The following OR7C1 variants were observed in gnomAD, a reference collection of about 807,000 sequenced individuals.
OR7C1 encodes the protein olfactory receptor family 7 subfamily C member 1, also known as olfactory receptor 7C1.
For synonymous variants in OR7C1, 152 were observed against 160.7 expected (o/e 0.95, Z 0.41); for missense variants, 324 against 383.3 (o/e 0.85, Z 1.29).
intron 1 of OR7C1, among the ~76,000 whole-genome samples, chr19:14,822,972 GTTGA>G: frequency 1.3e-5 from 2 of 152,064 alleles, no homozygotes; most frequent in South Asian, 4.1e-4. Flanking sequence ...TTGCCTCTCT[GTTGA>G]TTGTTTTCTT....
rs113738513 is a variant in OR7C1, at chr19:14,803,653, G to T, written c.-434-2889C>A. On this transcript the variant is annotated intron_variant, in intron 2 of 4. Coordinates refer to ENST00000641666, the Ensembl canonical transcript of OR7C1. Reference sequence around the variant, plus strand: ...ATTTGGGGGCTGCTTTTTATTAAAAGGGAAACCTTACCAAGGACTTCCTTA... The same window carrying T: ...ATTTGGGGGCTGCTTTTTATTAAAATGGAAACCTTACCAAGGACTTCCTTA... Among the ~76,000 whole-genome samples, 704 of 151,832 alleles carry T rather than the reference G, an allele frequency of 4.6e-3. 6 individuals are homozygous for T. Among genetic ancestry groups the T allele is most frequent in the African/African-American group, 0.016 (662 of 41,396 alleles).
chr19:14,822,300 C>G lies in OR7C1; in HGVS notation c.-622-12307G>C, dbSNP rs903390554. On this transcript the variant is annotated intron_variant, in intron 1 of 4. Coordinates refer to ENST00000641666, the Ensembl canonical transcript of OR7C1. ...CCAACTATTTTCTATAATGCTTGTACTACCTTAAGTTTCCACCAAAAAGGT... is the reference window on the plus strand; with the variant it reads ...CCAACTATTTTCTATAATGCTTGTAGTACCTTAAGTTTCCACCAAAAAGGT... Among the ~76,000 whole-genome samples the G allele has an allele frequency of 1.1e-4, 17 of 149,874 alleles. 1 individual carries two copies. The highest frequency in any genetic ancestry group is 1.0e-3 in the Admixed American group (15 of 15,026).
chr19:14,810,372 G>T (rs2044685025), intron 1 of OR7C1, among the ~76,000 whole-genome samples: 1 of 112,444 alleles, frequency 8.9e-6, no homozygotes. Context: ...ACCAAAATGA[G>T]TTTTTTTTTT....
At position 14,827,448 on chromosome 19, in the gene OR7C1, G is replaced by T. The variant is rs756216828; in HGVS notation, c.-623+7626C>A. ...TGTTGCACTTGAGTGTGAGTTGCGGGTGGCAGCAGAACTAAGGTACACCCC... is the reference window on the plus strand; with the variant it reads ...TGTTGCACTTGAGTGTGAGTTGCGGTTGGCAGCAGAACTAAGGTACACCCC... On this transcript the variant is annotated intron_variant, in intron 1 of 4. Transcript: ENST00000641666. The T allele has an allele frequency of 9.9e-6, 16 of 1,614,138 alleles. No homozygotes were observed. In the South Asian group the frequency reaches 1.6e-4, roughly 17 times the overall value.
In OR7C1 at chr19:14,827,958, A is replaced by G. The variant is rs745709368; in HGVS notation, c.-623+7116T>C. 1.6e-5 allele frequency: 26 copies of G among 1,614,104 alleles called. 1 individual carries two copies. The highest frequency in any genetic ancestry group is 2.2e-5 in the South Asian group (2 of 91,092). On this transcript the variant is annotated intron_variant, in intron 1 of 4. Coordinates refer to ENST00000641666, the Ensembl canonical transcript of OR7C1. ...AAAATACATCTGCATGAGGCAGGCT[A>G]TGTAGGTGATGACTTTGTTCTGTGT...
chr19:14,833,547 A>T (rs560966799), intron 1 of OR7C1, among the ~76,000 whole-genome samples: 1 of 152,364 alleles, frequency 6.6e-6, no homozygotes, highest in South Asian at 2.1e-4. Flanking sequence ...TGGGTGGGCA[A>T]ATCACCTTAA....
intron 2 of OR7C1, among the ~76,000 whole-genome samples, chr19:14,802,821 C>G (rs2044648158): frequency 6.6e-6 from 1 of 152,040 alleles, no homozygotes; most frequent in Non-Finnish European, 1.5e-5. Flanking sequence ...GGGTAAATAC[C>G]CAAGGTTCCT....
intron 1 of OR7C1, among the ~76,000 whole-genome samples, chr19:14,822,323 G>T (rs2044744510): frequency 6.8e-6 from 1 of 147,592 alleles, no homozygotes; most frequent in Admixed American, 6.8e-5. Context: ...CCACCAAAAA[G>T]GTACATGGGC....
chr19:14,827,687 G>C (rs369848671), intron 1 of OR7C1: 23 of 1,614,020 alleles, frequency 1.4e-5, no homozygotes, highest in Non-Finnish European at 1.9e-5. Context: ...AAGCAAGTTG[G>C]ATGACCTGAT....
At chr19:14,815,499 C>T (rs539405751) in intron 1 of OR7C1, among the ~76,000 whole-genome samples, 2 of 152,176 alleles carry the variant, frequency 1.3e-5, no homozygotes, top group Non-Finnish European at 2.9e-5. Context: ...CTTAGAAATG[C>T]CTGTCTCTCT....
exon 5 of OR7C1, chr19:14,799,435 C>T: frequency 5.0e-6 from 8 of 1,614,212 alleles, no homozygotes; most frequent in Non-Finnish European, 5.9e-6. Flanking sequence ...ACGCTTTGTG[C>T]TTTCTCCCAG....
chr19:14,813,096 G>A (rs1358993248), intron 1 of OR7C1, among the ~76,000 whole-genome samples: 1 of 149,228 alleles, frequency 6.7e-6, no homozygotes, highest in African/African-American at 2.5e-5. Context: ...AAAATTATCC[G>A]AGTGTCCAAA....
intron 1 of OR7C1, among the ~76,000 whole-genome samples, chr19:14,812,378 C>T (rs1392311106): frequency 6.6e-6 from 1 of 152,168 alleles, no homozygotes; most frequent in African/African-American, 2.4e-5. Context: ...CTGGCCTAAA[C>T]ATAGTAGTTA....
intron 2 of OR7C1, among the ~76,000 whole-genome samples, chr19:14,803,651 A>G (rs1274881914): frequency 6.6e-6 from 1 of 151,972 alleles, no homozygotes; most frequent in African/African-American, 2.4e-5. Flanking sequence ...TTTTTATTAA[A>G]AGGGAAACCT....
At chr19:14,799,582 C>T in exon 5 of OR7C1, 1 of 1,614,144 alleles carries the variant, frequency 6.2e-7, no homozygotes, top group South Asian at 1.1e-5. Flanking sequence ...AGGCGAGCTT[C>T]AGGACTTCAA....
At chr19:14,824,548 A>G (rs1332002769) in intron 1 of OR7C1, 1 of 152,150 alleles carries the variant, frequency 6.6e-6, no homozygotes, top group Non-Finnish European at 1.5e-5. Flanking sequence ...GCTACAAAGG[A>G]CATGTTTTTT....
At chr19:14,825,411 A>C (rs1356779920) in intron 1 of OR7C1, 3 of 152,128 alleles carry the variant, frequency 2.0e-5, no homozygotes, top group Non-Finnish European at 4.4e-5. Flanking sequence ...TATACTGTAC[A>C]CTGTGAATTT....
chr19:14,819,543 A>G (rs1053999053), intron 1 of OR7C1, among the ~76,000 whole-genome samples: 2 of 152,132 alleles, frequency 1.3e-5, no homozygotes, highest in Non-Finnish European at 2.9e-5. Context: ...GTGTATATGT[A>G]CTACATTTTC....
rs534570971 is a variant in OR7C1 at position 14,810,125 on chromosome 19, A to G, written c.-622-132T>C. Reference sequence around the variant, plus strand: ...TCCTTGGAGGCCAAGCAATATAAATAAAAAGTGTTTCTGCCAGTTCATTCC... The same window carrying G: ...TCCTTGGAGGCCAAGCAATATAAATGAAAAGTGTTTCTGCCAGTTCATTCC... On this transcript the variant is annotated intron_variant, in intron 1 of 4. Transcript: ENST00000641666. 5.3e-4 allele frequency: 81 copies of G among 152,056 alleles called. 2 individuals carry two copies. The highest frequency in any genetic ancestry group is 1.9e-3 in the African/African-American group (79 of 41,320). 9.4% of individuals were successfully genotyped at this position (152,056 alleles called of 1,614,324 possible). A position where few individuals can be genotyped will look rare whatever the true frequency, so the allele number is the denominator to read the frequency against.
Sources: allele counts gnomAD v4.1 joint callset (sites outside exome capture counted in the v4.1 genomes callset), GRCh38; gene constraint gnomAD v4.1.1; transcripts MANE v1.5; gene names NCBI Gene and HGNC (gene_info 2026-07-23, HGNC 2026-07-21).